CTNNA2: variants seen among roughly 807,000 people sequenced by gnomAD.
The protein encoded by CTNNA2 is catenin alpha-2.
A neutral mutation model predicts 101.0 loss-of-function variants in CTNNA2; 42 were observed. The ratio of observed to expected loss-of-function variants is 0.42; its 90% CI spans 0.32 to 0.54. The LOEUF is 0.54. CTNNA2 is among the 20% of genes least tolerant of loss of function. The probability of loss-of-function intolerance (pLI) is 0.14; values close to 1 mark genes in which losing one functional copy is unlikely to be tolerated. For synonymous variants in CTNNA2, 450 were observed against 456.4 expected, an observed-to-expected ratio of 0.99 and a Z score of 0.18; for missense variants, 871 against 1,223.1, an observed-to-expected ratio of 0.71 and a Z score of 4.29.
intron 1 of CTNNA2, among the ~76,000 whole-genome samples, chr2:79,542,349 T>A (rs1347294432): frequency 6.6e-6 from 1 of 152,216 alleles, no homozygotes; most frequent in Admixed American, 6.5e-5. Flanking sequence ...ATAACTATTC[T>A]ATTTAGTATT....
At chr2:79,673,680 TA>T (rs1682997833) in intron 2 of CTNNA2, among the ~76,000 whole-genome samples, 1 of 152,196 alleles carries the variant, frequency 6.6e-6, no homozygotes. Context: ...TTTATCTTAA[TA>T]TTTTTTTCCT....
intron 2 of CTNNA2, among the ~76,000 whole-genome samples, chr2:79,658,020 A>G (rs1198286047): frequency 2.6e-5 from 4 of 151,942 alleles, no homozygotes; most frequent in Non-Finnish European, 5.9e-5. Flanking sequence ...TAGATATAAG[A>G]TAAATATACA....
intron 7 of CTNNA2, among the ~76,000 whole-genome samples, chr2:80,133,025 A>G (rs1044248069): frequency 6.6e-6 from 1 of 152,212 alleles, no homozygotes; most frequent in African/African-American, 2.4e-5. Context: ...GTGTCTTTGC[A>G]GGTTTAATCA....
intron 3 of CTNNA2, among the ~76,000 whole-genome samples, chr2:79,844,067 C>T (rs1054327933): frequency 1.2e-4 from 18 of 152,140 alleles, no homozygotes; most frequent in African/African-American, 4.3e-4. Context: ...TGTGTACCTA[C>T]GTTCACTGGC....
At chr2:79,212,671 T>C (rs923123903) in intron 2 of CTNNA2, among the ~76,000 whole-genome samples, 12 of 146,400 alleles carry the variant, frequency 8.2e-5, no homozygotes, top group African/African-American at 2.8e-4. Context: ...CGAGTAATTA[T>C]GTCTGACAGA....
chr2:80,414,356 A>C (rs1040694324), intron 8 of CTNNA2, among the ~76,000 whole-genome samples: 4 of 152,100 alleles, frequency 2.6e-5, no homozygotes, highest in African/African-American at 9.7e-5. Flanking sequence ...ACAACTCTTC[A>C]CCTTTTAATT....
intron 3 of CTNNA2, among the ~76,000 whole-genome samples, chr2:79,814,608 T>TAC (rs146240455): frequency 0.1 from 14,571 of 145,014 alleles, 961 homozygotes; most frequent in East Asian, 0.35. Flanking sequence ...TATGTGTGTA[T>TAC]ACACACACAC....
At chr2:79,971,024 G>A (rs1422879865) in intron 7 of CTNNA2, among the ~76,000 whole-genome samples, 1 of 152,032 alleles carries the variant, frequency 6.6e-6, no homozygotes, top group Non-Finnish European at 1.5e-5. Context: ...CTGATATTGG[G>A]GCCAGAAACA....
At chr2:80,113,186 T>TG (rs1250916093) in intron 7 of CTNNA2, among the ~76,000 whole-genome samples, 1 of 152,204 alleles carries the variant, frequency 6.6e-6, no homozygotes, top group Non-Finnish European at 1.5e-5. Context: ...AGTGAAAATC[T>TG]GGAGATGTAG....
intron 7 of CTNNA2, among the ~76,000 whole-genome samples, chr2:80,300,297 T>G (rs919688386): frequency 7.3e-5 from 10 of 136,680 alleles, no homozygotes; most frequent in Admixed American, 3.8e-4. Flanking sequence ...TGTGTGTGTG[T>G]GTGTGTGTGT....
chr2:79,574,651 C>A (rs2103849780), intron 1 of CTNNA2, among the ~76,000 whole-genome samples: 1 of 152,264 alleles, frequency 6.6e-6, no homozygotes, highest in South Asian at 2.1e-4. Flanking sequence ...CATGTCTGTG[C>A]TTTCATGAGT....
intron 17 of CTNNA2, among the ~76,000 whole-genome samples, chr2:80,617,880 G>A (rs942323033): frequency 1.3e-5 from 2 of 151,796 alleles, no homozygotes; most frequent in Non-Finnish European, 2.9e-5. Context: ...TTGGTTTTTA[G>A]CCATTTATGA....
At chr2:79,493,921 AAAT>A (rs1270444911) in intron 4 of CTNNA2, 2 of 152,164 alleles carry the variant, frequency 1.3e-5, no homozygotes, top group Admixed American at 6.5e-5. Context: ...AAAACAATTA[AAAT>A]AATAAGAAAT....
intron 18 of CTNNA2, among the ~76,000 whole-genome samples, chr2:80,628,731 G>A (rs1326973692): frequency 6.6e-6 from 1 of 151,968 alleles, no homozygotes; most frequent in African/African-American, 2.4e-5. Flanking sequence ...AGCTTTTCTG[G>A]GAGGTAGAGG....
chr2:80,408,101 A>C (rs1488753155), intron 8 of CTNNA2, among the ~76,000 whole-genome samples: 1 of 152,162 alleles, frequency 6.6e-6, no homozygotes, highest in African/African-American at 2.4e-5. Flanking sequence ...TATTCCCCCA[A>C]GTTACCCATC....
chr2:79,646,524 CTTTTTTTTTTTTTT>C (rs67454188), intron 1 of CTNNA2, among the ~76,000 whole-genome samples: 1 of 106,140 alleles, frequency 9.4e-6, no homozygotes, highest in African/African-American at 3.6e-5. Flanking sequence ...TTCTTTCTGT[CTTTTTTTTTTTTTT>C]TTTTTTTTGA....
At chr2:80,514,672 G>T (rs947530042) in intron 9 of CTNNA2, among the ~76,000 whole-genome samples, 2 of 152,052 alleles carry the variant, frequency 1.3e-5, no homozygotes, top group Non-Finnish European at 2.9e-5. Flanking sequence ...TCTCTGGCCA[G>T]CTCTTCTCCA....
At chr2:79,887,229 T>A (rs1286409359) in intron 6 of CTNNA2, among the ~76,000 whole-genome samples, 3 of 152,162 alleles carry the variant, frequency 2.0e-5, no homozygotes, top group African/African-American at 7.2e-5. Flanking sequence ...AAATTAGGAA[T>A]GTCTGCAGTA....
At chr2:80,235,720 G>T (rs760935153) in intron 7 of CTNNA2, among the ~76,000 whole-genome samples, 5 of 152,150 alleles carry the variant, frequency 3.3e-5, no homozygotes, top group Non-Finnish European at 5.9e-5. Flanking sequence ...TCAAGTACCT[G>T]GTGTTAGTCT....
Sources: allele counts gnomAD v4.1 joint callset (sites outside exome capture counted in the v4.1 genomes callset), GRCh38; gene constraint gnomAD v4.1.1; transcripts MANE v1.5; gene names NCBI Gene and HGNC (gene_info 2026-07-23, HGNC 2026-07-21).